Variants in SLC39A8 observed in about 807,000 individuals in gnomAD.
SLC39A8 encodes the protein metal cation symporter ZIP8.
SLC39A8 carries 15 observed loss-of-function variants against 40.4 expected under a neutral mutation model. The ratio of observed to expected loss-of-function variants is 0.37; its 90% confidence interval spans 0.25 to 0.57. SLC39A8 has a LOEUF of 0.57. Among genes scored for constraint, SLC39A8 ranks in the 20% least tolerant of loss-of-function variants. The probability of loss-of-function intolerance (pLI) is 0.75; values close to 1 mark genes in which losing one functional copy is unlikely to be tolerated. For synonymous variants in SLC39A8, 223 were observed against 221.6 expected (o/e 1.01, Z -0.06); for missense variants, 472 against 558.8 (o/e 0.84, Z 1.57).
chr4:102,313,551 A>G (rs536229659), intron 3 of SLC39A8, among the ~76,000 whole-genome samples: 1 of 152,012 alleles, frequency 6.6e-6, no homozygotes, highest in Admixed American at 6.6e-5. Flanking sequence ...CTCTTTATCT[A>G]TCTATACTCC....
intron 2 of SLC39A8, 33 bp downstream of exon 2, chr4:102,344,411 G>A: frequency 6.8e-7 from 1 of 1,463,834 alleles, no homozygotes; most frequent in Non-Finnish European, 9.1e-7. Flanking sequence ...GACACCCACA[G>A]TACGGAGGGC....
intron 11 of SLC39A8, among the ~76,000 whole-genome samples, chr4:102,256,121 G>C (rs1160683861): frequency 6.6e-6 from 1 of 152,154 alleles, no homozygotes; most frequent in South Asian, 2.1e-4. Context: ...ATAATTATTA[G>C]AGTAACACCA....
chr4:102,315,842 T>TA lies in SLC39A8; in HGVS notation c.220-13dup. On this transcript the variant is annotated splice_polypyrimidine_tract_variant and intron_variant, in intron 2 of 8. Transcript: ENST00000356736. ...TCAGCAGTTAAACACTGAAATAGAA[T>TA]AAACAAAAAAAAAATGTGATAATAA... 3.8e-6 allele frequency: 6 copies of TA among 1,569,848 alleles called. No individual in the cohort carries two copies. Among genetic ancestry groups the TA allele is most frequent in the African/African-American group, 2.8e-5 (2 of 70,886 alleles).
intron 2 of SLC39A8, among the ~76,000 whole-genome samples, chr4:102,340,408 G>A (rs1051834306): frequency 1.3e-5 from 2 of 152,136 alleles, no homozygotes; most frequent in Non-Finnish European, 1.5e-5. Flanking sequence ...AAGGGACTTC[G>A]ACTACACTCT....
At chr4:102,281,127 T>C (rs1391160538) in intron 6 of SLC39A8, among the ~76,000 whole-genome samples, 1 of 152,112 alleles carries the variant, frequency 6.6e-6, no homozygotes, top group Non-Finnish European at 1.5e-5. Flanking sequence ...TCATTTCTTA[T>C]AAAAAGCCCA....
intron 2 of SLC39A8, among the ~76,000 whole-genome samples, chr4:102,344,220 C>T (rs990391800): frequency 2.0e-5 from 3 of 152,126 alleles, no homozygotes; most frequent in African/African-American, 7.2e-5. Context: ...GTTCATCAGG[C>T]GTAAAACTGC....
At chr4:102,331,165 T>C (rs112178118) in intron 2 of SLC39A8, among the ~76,000 whole-genome samples, 3,269 of 152,270 alleles carry the variant, frequency 0.021, 117 homozygotes, top group African/African-American at 0.074. Flanking sequence ...GTACTGGAAG[T>C]TCTGGCCAGG....
chr4:102,264,223 C>G (rs1045855453), intron 8 of SLC39A8, among the ~76,000 whole-genome samples: 1 of 152,202 alleles, frequency 6.6e-6, no homozygotes, highest in Admixed American at 6.5e-5. Context: ...GTCAAAACTA[C>G]TCCATGGACT....
At chr4:102,318,989 C>T (rs776868406) in intron 2 of SLC39A8, among the ~76,000 whole-genome samples, 14 of 152,280 alleles carry the variant, frequency 9.2e-5, no homozygotes, top group Middle Eastern at 6.8e-3. Context: ...TGAAGTTAAG[C>T]TCCTATTCAC....
intron 6 of SLC39A8, among the ~76,000 whole-genome samples, chr4:102,283,394 T>C (rs552516817): frequency 3.2e-4 from 48 of 152,340 alleles, no homozygotes; most frequent in African/African-American, 1.1e-3. Context: ...CTGAATTAAG[T>C]AGCTTGTTGC....
chr4:102,292,781 T>C (rs1190999668), intron 6 of SLC39A8, among the ~76,000 whole-genome samples: 1 of 152,070 alleles, frequency 6.6e-6, no homozygotes, highest in Non-Finnish European at 1.5e-5. Flanking sequence ...TGGTGATGTA[T>C]GGTTGTATGG....
At chr4:102,258,950 A>T (rs1276339230), downstream of SLC39A8, among the ~76,000 whole-genome samples, 2 of 152,194 alleles carry the variant, frequency 1.3e-5, no homozygotes, top group Non-Finnish European at 2.9e-5. Flanking sequence ...CTCACACTAG[A>T]CCATGGGAAT....
Position 102,345,416 on chromosome 4 carries a change from A to C in SLC39A8, c.-325T>G, listed in dbSNP as rs938647296. The stretch of plus-strand genomic sequence containing the variant: ...TGTCAACGTAAGACTCGGTCTCTGG[A>C]TCTCTCTCTCTTTCTGTCTCCCGCC... On this transcript the variant is annotated 5_prime_UTR_variant, in exon 1 of 9. Coordinates refer to ENST00000356736, the MANE Select transcript of SLC39A8 (RefSeq NM_001135146.2). The C allele has an allele frequency of 6.6e-6, 1 of 151,988 alleles. No individual in the cohort carries two copies. Among genetic ancestry groups the C allele is most frequent in the Non-Finnish European group, 1.5e-5 (1 of 68,066 alleles). The allele number at this position is 151,988 out of a possible 1,614,324, so 9.4% of individuals were successfully genotyped here.
At chr4:102,265,594 A>C (rs1732064371) in intron 8 of SLC39A8, among the ~76,000 whole-genome samples, 1 of 152,200 alleles carries the variant, frequency 6.6e-6, no homozygotes, top group Non-Finnish European at 1.5e-5. Flanking sequence ...TGTGCAAAAA[A>C]CCTAGCATTT....
At chr4:102,305,911 A>G (rs1218902864) in intron 4 of SLC39A8, among the ~76,000 whole-genome samples, 1 of 152,066 alleles carries the variant, frequency 6.6e-6, no homozygotes, top group Non-Finnish European at 1.5e-5. Context: ...CTCCCCTCTG[A>G]AGCAGAATAG....
chr4:102,329,599 G>C (rs959096533), intron 2 of SLC39A8, among the ~76,000 whole-genome samples: 6 of 150,514 alleles, frequency 4.0e-5, no homozygotes, highest in Non-Finnish European at 5.9e-5. Flanking sequence ...ATCCAGCCTG[G>C]GGGAGAGAGC....
chr4:102,274,166 AT>A (rs1203438724), intron 6 of SLC39A8, among the ~76,000 whole-genome samples: 1 of 152,246 alleles, frequency 6.6e-6, no homozygotes, highest in Non-Finnish European at 1.5e-5. Context: ...CTAAAAGAGC[AT>A]GTTCTAACTC....
At chr4:102,327,852 G>A (rs903606667) in intron 2 of SLC39A8, among the ~76,000 whole-genome samples, 5 of 152,142 alleles carry the variant, frequency 3.3e-5, no homozygotes, top group Non-Finnish European at 5.9e-5. Flanking sequence ...AATAACCTGG[G>A]AATCATCTAC....
intron 6 of SLC39A8, among the ~76,000 whole-genome samples, chr4:102,300,253 C>A (rs987296612): frequency 1.3e-5 from 2 of 152,028 alleles, no homozygotes; most frequent in Non-Finnish European, 2.9e-5. Context: ...TATAATCAAG[C>A]TAACTGTTAA....
Sources: allele counts gnomAD v4.1 joint callset (sites outside exome capture counted in the v4.1 genomes callset), GRCh38; gene constraint gnomAD v4.1.1; transcripts MANE v1.5; gene names NCBI Gene and HGNC (gene_info 2026-07-23, HGNC 2026-07-21).